CFAP54: variants seen among roughly 807,000 people sequenced by gnomAD.
The protein encoded by CFAP54 is cilia and flagella associated protein 54, also known as cilia- and flagella-associated protein 54.
In CFAP54, 290 loss-of-function variants were observed where a neutral mutation model predicts 370.4. The ratio of observed to expected loss-of-function variants is 0.78; its 90% CI spans 0.71 to 0.86. The LOEUF is 0.86. Among genes scored for constraint, CFAP54 ranks in the 40% least tolerant of loss-of-function variants. The probability of loss-of-function intolerance (pLI) is 0.00; values close to 1 mark genes in which losing one functional copy is unlikely to be tolerated. For synonymous variants in CFAP54, 1,206 were observed against 1,236.5 expected, an observed-to-expected ratio of 0.98 and a Z score of 0.52; for missense variants, 3,399 against 3,528.7, an observed-to-expected ratio of 0.96 and a Z score of 0.93.
intron 20 of CFAP54, among the ~76,000 whole-genome samples, chr12:96,577,060 T>G (rs940886402): frequency 6.6e-6 from 1 of 152,188 alleles, no homozygotes; most frequent in Non-Finnish European, 1.5e-5. Flanking sequence ...CACCATATGC[T>G]GACATCCTCG....
At chr12:96,869,856 A>G (rs1203472452) in intron 67 of CFAP54, among the ~76,000 whole-genome samples, 1 of 149,174 alleles carries the variant, frequency 6.7e-6, no homozygotes, top group African/African-American at 2.5e-5. Flanking sequence ...AATCGCTTGA[A>G]CCTGGGAGGC....
At chr12:96,859,048 A>G (rs1268751475) in intron 66 of CFAP54, among the ~76,000 whole-genome samples, 2 of 152,194 alleles carry the variant, frequency 1.3e-5, no homozygotes, top group African/African-American at 4.8e-5. Flanking sequence ...GCACTGGTAC[A>G]AAAACAGGCA....
chr12:96,804,674 A>G (rs552713218), intron 63 of CFAP54, among the ~76,000 whole-genome samples: 1 of 152,262 alleles, frequency 6.6e-6, no homozygotes, highest in South Asian at 2.1e-4. Flanking sequence ...CAATATTACT[A>G]AAATGACCAT....
In CFAP54 at chr12:96,651,660, G is replaced by T. The variant is rs373166005; in HGVS notation, c.4945G>T (p.Glu1649Ter). ...TCGGGCCTTATGGAACTTTACTCAG[G>T]AACTACAAATACTTCTTAAACAGGC... ...CCRALWNFTQ[E>*]LQILLKQAVD... Residue 1649 changes from glutamate (E) to a stop codon, truncating the protein, a stop_gained, in exon 36 of 68, where the codon GAA (glutamate) becomes TAA (stop). Transcript: ENST00000524981. LOFTEE classifies it high-confidence loss of function. 1.2e-6 allele frequency: 2 copies of T among 1,613,960 alleles called. No homozygotes were observed. Among genetic ancestry groups the T allele is most frequent in the African/African-American group, 1.3e-5 (1 of 74,900 alleles).
At chr12:96,825,017 C>T (rs114748430) in intron 65 of CFAP54, among the ~76,000 whole-genome samples, 1 of 151,460 alleles carries the variant, frequency 6.6e-6, no homozygotes, top group African/African-American at 2.4e-5. Flanking sequence ...GTCCCCTGTT[C>T]ATTGCTTATG....
intron 39 of CFAP54, among the ~76,000 whole-genome samples, chr12:96,670,154 T>C (rs1201352153): frequency 6.6e-6 from 1 of 151,086 alleles, no homozygotes; most frequent in East Asian, 1.9e-4. Flanking sequence ...CTTCTAGGAG[T>C]GTATACAGAG....
At chr12:96,535,994 A>G (rs1955498414) in intron 12 of CFAP54, among the ~76,000 whole-genome samples, 1 of 152,240 alleles carries the variant, frequency 6.6e-6, no homozygotes, top group African/African-American at 2.4e-5. Flanking sequence ...GTGTTCAGGT[A>G]AAACTATTAT....
intron 26 of CFAP54, among the ~76,000 whole-genome samples, chr12:96,605,752 T>C (rs1038812519): frequency 4.6e-5 from 7 of 152,174 alleles, no homozygotes; most frequent in African/African-American, 1.7e-4. Flanking sequence ...CCCAGGTTTC[T>C]AGCTTAGGTG....
intron 48 of CFAP54, among the ~76,000 whole-genome samples, chr12:96,709,304 A>G (rs543876841): frequency 4.2e-4 from 64 of 152,350 alleles, no homozygotes; most frequent in African/African-American, 1.4e-3. Context: ...CTTCATTTCC[A>G]AGGAACATTG....
chr12:96,497,366 ACG>A (rs1350255798), intron 1 of CFAP54, among the ~76,000 whole-genome samples: 1 of 152,264 alleles, frequency 6.6e-6, no homozygotes, highest in African/African-American at 2.4e-5. Context: ...GAGGACTGAC[ACG>A]ACTCAATTTC....
At chr12:96,764,377 C>A in intron 59 of CFAP54, 128 bp downstream of exon 59, 1 of 609,302 alleles carries the variant, frequency 1.6e-6, no homozygotes, top group African/African-American at 1.9e-5. Context: ...TATCCCAGCA[C>A]TTTGGGAGGC....
chr12:96,601,059 C>A (rs936693302), intron 26 of CFAP54, among the ~76,000 whole-genome samples: 1 of 151,948 alleles, frequency 6.6e-6, no homozygotes, highest in Non-Finnish European at 1.5e-5. Context: ...GGAATGCTTC[C>A]GGTTTTGCCC....
chr12:96,636,151 A>G (rs1390467768), intron 32 of CFAP54, among the ~76,000 whole-genome samples: 1 of 152,148 alleles, frequency 6.6e-6, no homozygotes, highest in Non-Finnish European at 1.5e-5. Context: ...TGTGAGTAAC[A>G]CATTTCTTTC....
In CFAP54 at chr12:96,875,473, T is replaced by TA. The variant is rs1451501516; in HGVS notation, c.*370_*371insA. Reference sequence around the variant, plus strand: ...CCAGCTTATCTATTTCTTTATCAAGTTGCTTTGGCTTCCCCACTCTCTCCT... The same window carrying TA: ...CCAGCTTATCTATTTCTTTATCAAGTATGCTTTGGCTTCCCCACTCTCTCCT... On this transcript the variant is annotated 3_prime_UTR_variant, in exon 68 of 68. Transcript: ENST00000524981. 1.3e-5 allele frequency: 2 copies of TA among 152,132 alleles called. No homozygotes were observed. Among genetic ancestry groups the TA allele is most frequent in the East Asian group, 3.9e-4 (2 of 5,190 alleles). 9.4% of individuals were successfully genotyped at this position (152,132 alleles called of 1,614,324 possible).
chr12:96,784,923 T>C (rs1958614602), intron 61 of CFAP54, 33 bp downstream of exon 61: 5 of 1,370,634 alleles, frequency 3.6e-6, no homozygotes, highest in African/African-American at 1.5e-5. Flanking sequence ...AGAGAACATA[T>C]TTCTTTCTAA....
At chr12:96,861,017 C>T (rs1959867473) in intron 67 of CFAP54, 65 bp downstream of exon 67, 3 of 1,185,018 alleles carry the variant, frequency 2.5e-6, no homozygotes, top group Non-Finnish European at 3.3e-6. Flanking sequence ...TTGGAACGGT[C>T]CTCTTATAAC....
In CFAP54 at chr12:96,650,101, A is replaced by G. The variant is rs773993210; in HGVS notation, c.4872+29A>G. ...ATGCAATCTTTCTTGTTTGCAGTGT[A>G]GTAGACATAAATTTCAGCCCACCAA... On this transcript the variant is annotated intron_variant, in intron 35 of 67. Transcript: ENST00000524981. 24 of 1,546,360 alleles carry G rather than the reference A, an allele frequency of 1.6e-5. No individual in the cohort carries two copies. The Admixed American group carries it at 4.8e-4, about 31-fold the overall frequency.
At chr12:96,835,328 C>T (rs1198169049) in intron 66 of CFAP54, among the ~76,000 whole-genome samples, 2 of 152,118 alleles carry the variant, frequency 1.3e-5, no homozygotes, top group Admixed American at 1.3e-4. Flanking sequence ...CCTGGCTGAA[C>T]TCAGGGCTTT....
chr12:96,757,701 T>C lies in CFAP54; in HGVS notation c.8040+113T>C, dbSNP rs186913149. 18 of 547,588 alleles carry C rather than the reference T, an allele frequency of 3.3e-5. No homozygotes were observed. In the East Asian group the frequency reaches 5.3e-4, roughly 16 times the overall value. The allele number at this position is 547,588 out of a possible 1,614,324, so 33.9% of individuals were successfully genotyped here. A position where few individuals can be genotyped will look rare whatever the true frequency, so the allele number is the denominator to read the frequency against. ...GATTTTCCTGTGTGGCTTGGAGAAA[T>C]TAATTCATTTCTTTGTAGTTACACT... On this transcript the variant is annotated intron_variant, in intron 58 of 67. Transcript: ENST00000524981.
Sources: allele counts gnomAD v4.1 joint callset (sites outside exome capture counted in the v4.1 genomes callset), GRCh38; gene constraint gnomAD v4.1.1; transcripts MANE v1.5; gene names NCBI Gene and HGNC (gene_info 2026-07-23, HGNC 2026-07-21).